The following NHSL2 variants were observed in gnomAD, a reference collection of about 807,000 sequenced individuals.
NHSL2 encodes the protein NHS like 2.
In NHSL2, 27 loss-of-function variants were observed where a neutral mutation model predicts 53.4. The ratio of observed to expected loss-of-function variants is 0.51; its 90% CI spans 0.37 to 0.70. The LOEUF (loss-of-function observed/expected upper bound fraction) is 0.70. NHSL2 is among the 30% of genes least tolerant of loss of function. The pLI is 0.00. For synonymous variants in NHSL2, 408 were observed against 404.1 expected (o/e 1.01, Z -0.12); for missense variants, 892 against 980.1 (o/e 0.91, Z 1.20).
At chrX:71,972,892 G>GTGTGTC (rs1303158562) in intron 1 of NHSL2, among the ~76,000 whole-genome samples, 8 of 109,975 alleles carry the variant, frequency 7.3e-5, no homozygotes, top group African/African-American at 2.6e-4. Flanking sequence ...GTGTGTGTGT[G>GTGTGTC]TGTGTGTGTT....
intron 1 of NHSL2, among the ~76,000 whole-genome samples, chrX:72,072,403 A>G (rs2041708192): frequency 8.9e-6 from 1 of 112,147 alleles, no homozygotes; most frequent in African/African-American, 3.2e-5. Flanking sequence ...CATTTCTAGG[A>G]TAAAGTATGT....
chrX:72,069,016 T>C (rs995196706), intron 1 of NHSL2, among the ~76,000 whole-genome samples: 7 of 112,859 alleles, frequency 6.2e-5, no homozygotes, highest in Non-Finnish European at 1.3e-4. Flanking sequence ...CAGCTGTCAC[T>C]TACAGAACTG....
intron 1 of NHSL2, among the ~76,000 whole-genome samples, chrX:72,079,545 T>A (rs2147418978): frequency 8.9e-6 from 1 of 112,513 alleles, no homozygotes; most frequent in Admixed American, 9.4e-5. Context: ...GGAGATGACC[T>A]CTATGTGCTG....
chrX:72,049,466 C>T (rs1299511535), intron 1 of NHSL2, among the ~76,000 whole-genome samples: 1 of 110,934 alleles, frequency 9.0e-6, no homozygotes, highest in African/African-American at 3.3e-5. Context: ...CAGGAGGAGG[C>T]ACCTTATGAA....
intron 1 of NHSL2, chrX:72,131,031 T>C: frequency 8.3e-7 from 1 of 1,210,875 alleles, no homozygotes; most frequent in Non-Finnish European, 1.1e-6. Context: ...TGAAGGTCTC[T>C]AGCTGCATCA....
intron 1 of NHSL2, among the ~76,000 whole-genome samples, chrX:72,046,899 T>C (rs2042308835): frequency 1.8e-5 from 2 of 111,109 alleles, no homozygotes; most frequent in African/African-American, 6.6e-5. Context: ...ACATTATTAA[T>C]TTGGTATTGT....
At chrX:72,090,963 A>G (rs998870797) in intron 1 of NHSL2, among the ~76,000 whole-genome samples, 2 of 112,316 alleles carry the variant, frequency 1.8e-5, no homozygotes, top group Non-Finnish European at 3.8e-5. Flanking sequence ...AATTATTATT[A>G]GTGGCTGCAG....
chrX:71,945,378 G>T (rs1181177287), intron 1 of NHSL2, among the ~76,000 whole-genome samples: 1 of 112,059 alleles, frequency 8.9e-6, no homozygotes, highest in Non-Finnish European at 1.9e-5. Context: ...GAAGCATTCT[G>T]TTGGAAGACT....
chrX:72,006,442 CT>C (rs950812041), intron 1 of NHSL2, among the ~76,000 whole-genome samples: 4 of 112,222 alleles, frequency 3.6e-5, no homozygotes, highest in African/African-American at 1.3e-4. Flanking sequence ...ATCTCCACCC[CT>C]GGGATGCTCT....
chrX:71,949,979 T>TG (rs765512111), intron 1 of NHSL2, among the ~76,000 whole-genome samples: 1 of 113,319 alleles, frequency 8.8e-6, no homozygotes, highest in East Asian at 2.8e-4. Context: ...ACCACACGGT[T>TG]GGCAGCAGGA....
intron 1 of NHSL2, among the ~76,000 whole-genome samples, chrX:72,038,534 T>C (rs1225817918): frequency 8.9e-6 from 1 of 112,415 alleles, no homozygotes; most frequent in East Asian, 2.8e-4. Flanking sequence ...CCAAACTGTC[T>C]GTTTCCAATT....
chrX:71,989,222 G>A (rs1356351292), intron 1 of NHSL2, among the ~76,000 whole-genome samples: 2 of 109,186 alleles, frequency 1.8e-5, no homozygotes, highest in South Asian at 4.0e-4. Flanking sequence ...GGTGGCACGC[G>A]CCTATAGTGC....
At chrX:71,981,664 G>A (rs1488358298) in intron 1 of NHSL2, among the ~76,000 whole-genome samples, 1 of 109,936 alleles carries the variant, frequency 9.1e-6, no homozygotes, top group Non-Finnish European at 1.9e-5. Flanking sequence ...AATGAACAAA[G>A]ATCTGAATAG....
intron 1 of NHSL2, chrX:72,131,432 C>A: frequency 8.3e-7 from 1 of 1,211,007 alleles, no homozygotes; most frequent in Non-Finnish European, 1.1e-6. Context: ...AGGGCTCTCC[C>A]GAGCTGGAGG....
chrX:72,136,405 A>T (rs2042356256), intron 4 of NHSL2, among the ~76,000 whole-genome samples: 1 of 112,630 alleles, frequency 8.9e-6, no homozygotes, highest in African/African-American at 3.2e-5. Flanking sequence ...TGTAACTCAG[A>T]TGAAGTGATA....
At chrX:71,932,718 G>A (rs1000704591) in intron 1 of NHSL2, among the ~76,000 whole-genome samples, 11 of 111,977 alleles carry the variant, frequency 9.8e-5, no homozygotes, top group African/African-American at 3.2e-4. Flanking sequence ...TGGCTTTGGA[G>A]GAATCATTGT....
In NHSL2 at chrX:72,148,978, A is replaced by G. The variant is rs1264347594; in HGVS notation, c.*5404A>G. On this transcript the variant is annotated 3_prime_UTR_variant, in exon 8 of 8. Coordinates refer to ENST00000633930, the MANE Select transcript of NHSL2 (RefSeq NM_001013627.3). ...CTTTACCATTATTCTGGCTCTCATC[A>G]TAAGGACCAGTCTCTGGCCAAGAGG... 9.1e-6 allele frequency: 1 copy of G among 109,952 alleles called. No individual in the cohort carries two copies. The highest frequency in any genetic ancestry group is 2.8e-4 in the East Asian group (1 of 3,526). 9.1% of individuals were successfully genotyped at this position (109,952 alleles called of 1,213,427 possible).
At chrX:71,967,018 G>A (rs2041903914) in intron 1 of NHSL2, among the ~76,000 whole-genome samples, 1 of 111,746 alleles carries the variant, frequency 8.9e-6, no homozygotes, top group Admixed American at 9.5e-5. Context: ...GTAAGCTTTG[G>A]CAAACTGTGT....
intron 1 of NHSL2, among the ~76,000 whole-genome samples, chrX:72,078,345 A>G (rs775321327): frequency 8.9e-6 from 1 of 112,593 alleles, no homozygotes; most frequent in Non-Finnish European, 1.9e-5. Flanking sequence ...AGCAGTATCA[A>G]TGCCTAGGCT....
Sources: allele counts gnomAD v4.1 joint callset (sites outside exome capture counted in the v4.1 genomes callset), GRCh38; gene constraint gnomAD v4.1.1; transcripts MANE v1.5; gene names NCBI Gene and HGNC (gene_info 2026-07-23, HGNC 2026-07-21).